TBC1D14: variants seen among roughly 807,000 people sequenced by gnomAD.
TBC1D14 encodes TBC1 domain family, member 14.
TBC1D14 carries 26 observed loss-of-function variants against 79.0 expected under a neutral mutation model. That is an observed-to-expected ratio of 0.33 (90% CI 0.24 to 0.46). The LOEUF is 0.46. TBC1D14 is among the 20% of genes least tolerant of loss of function. The pLI is 1.00. For synonymous variants in TBC1D14, 394 were observed against 349.9 expected (o/e 1.13, Z -1.40); for missense variants, 769 against 887.6 (o/e 0.87, Z 1.70).
intron 3 of TBC1D14, among the ~76,000 whole-genome samples, chr4:6,976,402 A>G (rs1716714357): frequency 6.6e-6 from 1 of 152,242 alleles, no homozygotes; most frequent in Non-Finnish European, 1.5e-5. Context: ...TGCTGAAAAT[A>G]AAGACAAAAA....
At chr4:6,988,459 A>C (rs141373569) in intron 3 of TBC1D14, among the ~76,000 whole-genome samples, 1,669 of 152,366 alleles carry the variant, frequency 0.011, 26 homozygotes, top group Middle Eastern at 0.044. Flanking sequence ...GGCTCAGACC[A>C]GGCCTGCCGC....
At chr4:6,953,030 T>TC (rs1304544243) in intron 2 of TBC1D14, among the ~76,000 whole-genome samples, 2 of 143,356 alleles carry the variant, frequency 1.4e-5, no homozygotes, top group Non-Finnish European at 3.1e-5. Context: ...TTTCTTTTTT[T>TC]TTTTTTTTTT....
intron 3 of TBC1D14, chr4:6,987,098 C>T (rs1030918510): frequency 2.8e-5 from 31 of 1,122,256 alleles, no homozygotes; most frequent in Admixed American, 1.8e-4. Flanking sequence ...TTGTGCCCGC[C>T]CCTCGCCGCT....
chr4:7,023,421 G>C (rs1722025174), intron 12 of TBC1D14, among the ~76,000 whole-genome samples: 1 of 152,170 alleles, frequency 6.6e-6, no homozygotes, highest in African/African-American at 2.4e-5. Flanking sequence ...CTTTCTCATA[G>C]TGTTAACAAG....
chr4:6,990,414 A>C (rs1718369137), intron 3 of TBC1D14, among the ~76,000 whole-genome samples: 1 of 152,240 alleles, frequency 6.6e-6, no homozygotes, highest in Admixed American at 6.5e-5. Context: ...GCACCACTGC[A>C]CTTCAGCCTG....
At chr4:6,977,814 G>A (rs1357841190) in intron 3 of TBC1D14, among the ~76,000 whole-genome samples, 1 of 143,760 alleles carries the variant, frequency 7.0e-6, no homozygotes, top group Non-Finnish European at 1.5e-5. Flanking sequence ...CTGCCAGGCC[G>A]CCATCCCATC....
intron 1 of TBC1D14, among the ~76,000 whole-genome samples, chr4:6,921,440 G>A (rs74552283): frequency 0.018 from 2,805 of 151,894 alleles, 78 homozygotes; most frequent in African/African-American, 0.064. Flanking sequence ...TTCCTAGGCC[G>A]AAGCGATCCT....
At chr4:6,958,672 C>T (rs1003772488) in intron 2 of TBC1D14, among the ~76,000 whole-genome samples, 7 of 152,184 alleles carry the variant, frequency 4.6e-5, no homozygotes, top group African/African-American at 7.2e-5. Context: ...TGGCCTCAAG[C>T]GATCCACCCA....
At chr4:6,961,953 G>A (rs994289130) in intron 2 of TBC1D14, among the ~76,000 whole-genome samples, 7 of 152,212 alleles carry the variant, frequency 4.6e-5, no homozygotes, top group Non-Finnish European at 8.8e-5. Context: ...GAATGAATGC[G>A]GCCGAGGGCT....
chr4:6,985,768 C>A (rs1717764907), intron 3 of TBC1D14, among the ~76,000 whole-genome samples: 1 of 152,132 alleles, frequency 6.6e-6, no homozygotes, highest in Non-Finnish European at 1.5e-5. Context: ...GAAAGAATAA[C>A]CCCTACTCCT....
intron 2 of TBC1D14, among the ~76,000 whole-genome samples, chr4:6,928,331 C>T (rs1418049285): frequency 6.6e-6 from 1 of 152,186 alleles, no homozygotes; most frequent in African/African-American, 2.4e-5. Context: ...TCCTTGGGGG[C>T]AGAGCCTGTG....
chr4:6,926,491 T>G (rs758484224), intron 2 of TBC1D14, among the ~76,000 whole-genome samples: 7 of 152,234 alleles, frequency 4.6e-5, no homozygotes, highest in Non-Finnish European at 8.8e-5. Flanking sequence ...TGTCTCTTCT[T>G]TTATTCCTTG....
chr4:6,940,221 A>G (rs936922466), intron 2 of TBC1D14, among the ~76,000 whole-genome samples: 3 of 152,266 alleles, frequency 2.0e-5, no homozygotes, highest in Non-Finnish European at 2.9e-5. Context: ...CAGTAGCCAC[A>G]TGTGGCTTGT....
intron 2 of TBC1D14, among the ~76,000 whole-genome samples, chr4:6,944,923 A>C (rs949651107): frequency 6.6e-6 from 1 of 152,128 alleles, no homozygotes; most frequent in Non-Finnish European, 1.5e-5. Context: ...GTGGTGTTTC[A>C]GGTGTCTTGC....
chr4:6,959,064 T>C (rs1714936736), intron 2 of TBC1D14, among the ~76,000 whole-genome samples: 1 of 152,102 alleles, frequency 6.6e-6, no homozygotes, highest in Non-Finnish European at 1.5e-5. Context: ...TTTTTGTATT[T>C]TTAGTAGAGG....
At chr4:6,971,840 G>A (rs1325613984) in intron 3 of TBC1D14, among the ~76,000 whole-genome samples, 2 of 152,240 alleles carry the variant, frequency 1.3e-5, no homozygotes, top group Non-Finnish European at 2.9e-5. Context: ...TATGCAGGAA[G>A]AGAATGTTAG....
rs751985536 is a variant in TBC1D14 at position 6,996,426 on chromosome 4, G to C, written c.1045+19G>C. On this transcript the variant is annotated intron_variant, in intron 5 of 13. Coordinates refer to ENST00000409757, the MANE Select transcript of TBC1D14 (RefSeq NM_020773.3). ...AAGCGAGGTAATGGGGTTCACACTT[G>C]ATGGGTTAAATCAGGCAGCACAGGG... 9 of 1,591,012 alleles carry C rather than the reference G, an allele frequency of 5.7e-6. No individual in the cohort carries two copies. Among genetic ancestry groups the C allele is most frequent in the Non-Finnish European group, 7.8e-6 (9 of 1,159,630 alleles).
rs117486807 is a variant in TBC1D14, at chr4:6,923,974, C to T, written c.585C>T (p.Asp195=). The T allele has an allele frequency of 5.0e-4, 811 of 1,614,074 alleles. 6 individuals carry two copies. In the East Asian group the frequency reaches 0.015, roughly 29 times the overall value. ...GTGCCATTGTGACCCTGGAGAATGA[C>T]GATGACCCACAGTTTACCAACGTCA... ...SSSAIVTLEN[D]DDPQFTNVTL... The change falls in exon 2 of 14, where the codon GAC becomes GAT. Residue 195 remains aspartate, a synonymous_variant. Coordinates refer to ENST00000409757, the MANE Select transcript of TBC1D14 (RefSeq NM_020773.3).
intron 2 of TBC1D14, among the ~76,000 whole-genome samples, chr4:6,962,042 C>T (rs780611223): frequency 2.0e-5 from 3 of 152,178 alleles, no homozygotes; most frequent in Non-Finnish European, 4.4e-5. Context: ...GCTTTTGACA[C>T]GAGACATCAG....
Sources: allele counts gnomAD v4.1 joint callset (sites outside exome capture counted in the v4.1 genomes callset), GRCh38; gene constraint gnomAD v4.1.1; transcripts MANE v1.5; gene names NCBI Gene and HGNC (gene_info 2026-07-23, HGNC 2026-07-21).